The following GPR107 variants were observed in gnomAD, a reference collection of about 807,000 sequenced individuals.
GPR107 encodes G protein-coupled receptor 107.
A neutral mutation model predicts 75.5 loss-of-function variants in GPR107; 31 were observed. The observed-to-expected ratio is 0.41, with a 90% CI of 0.31 to 0.55. The LOEUF is 0.55. Among genes scored for constraint, GPR107 ranks in the 20% least tolerant of loss-of-function variants. The pLI is 0.26. For missense variants in GPR107, 572 were observed against 665.7 expected (o/e 0.86, Z 1.55); for synonymous variants, 267 against 251.3 (o/e 1.06, Z -0.59).
chr9:130,117,572 G>A (rs1333965694), intron 14 of GPR107, among the ~76,000 whole-genome samples: 1 of 152,192 alleles, frequency 6.6e-6, no homozygotes, highest in Non-Finnish European at 1.5e-5. Context: ...GAGCTCCTCT[G>A]TCCCCCATGC....
intron 14 of GPR107, among the ~76,000 whole-genome samples, chr9:130,109,080 A>G (rs748332488): frequency 3.5e-5 from 5 of 142,244 alleles, no homozygotes; most frequent in African/African-American, 5.3e-5. Flanking sequence ...GCTTACTGCA[A>G]CCTCCACCTC....
intron 14 of GPR107, among the ~76,000 whole-genome samples, chr9:130,115,639 C>T (rs1348268279): frequency 6.6e-6 from 1 of 151,582 alleles, no homozygotes; most frequent in Non-Finnish European, 1.5e-5. Flanking sequence ...GTGGTGGGTG[C>T]CTGTAGTGCC....
rs748942096 is a variant in GPR107 at position 130,075,657 on chromosome 9, C to G, written c.163C>G (p.His55Asp). 5 of 1,591,866 alleles carry G rather than the reference C, an allele frequency of 3.1e-6. No individual in the cohort carries two copies. The South Asian group carries it at 5.5e-5, about 18-fold the overall frequency. ...TTAGGATGATGTGAGGCATAAAGTT[C>G]ATCTGAACACCTTTGGCTTCTTCAA... Reference protein sequence around the residue: ...ALKDDVRHKVHLNTFGFFKDG... With the variant: ...ALKDDVRHKVDLNTFGFFKDG... Residue 55 changes from histidine to aspartate, a missense_variant, in exon 2 of 18, where the codon CAT becomes GAT. By Grantham distance (81) the His-to-Asp change is moderately conservative. Coordinates refer to ENST00000347136, the MANE Select transcript of GPR107 (RefSeq NM_020960.5).
intron 6 of GPR107, among the ~76,000 whole-genome samples, chr9:130,085,753 G>GTTTTTTTTTTTTTTTTTTTT (rs1189602398): frequency 4.0e-4 from 13 of 32,256 alleles, no homozygotes; most frequent in African/African-American, 5.1e-4. Flanking sequence ...GCAATATTTT[G>GTTTTTTTTTTTTTTTTTTTT]ATTTTTTTTT....
At chr9:130,091,778 C>T (rs1830745017) in intron 8 of GPR107, among the ~76,000 whole-genome samples, 1 of 151,768 alleles carries the variant, frequency 6.6e-6, no homozygotes, top group Non-Finnish European at 1.5e-5. Flanking sequence ...TCACTGCAAC[C>T]TCTGCCTCCT....
intron 9 of GPR107, among the ~76,000 whole-genome samples, chr9:130,096,758 T>A (rs1830883441): frequency 6.6e-6 from 1 of 152,104 alleles, no homozygotes; most frequent in Non-Finnish European, 1.5e-5. Context: ...GCGTCTGGCC[T>A]GATTTTTGGA....
chr9:130,101,676 A>G (rs865877170), intron 12 of GPR107, among the ~76,000 whole-genome samples: 1 of 152,174 alleles, frequency 6.6e-6, no homozygotes, highest in East Asian at 1.9e-4. Context: ...AATCCTTACC[A>G]TGTTTGGGGC....
intron 1 of GPR107, among the ~76,000 whole-genome samples, chr9:130,067,233 T>C (rs376494511): frequency 5.1e-4 from 77 of 152,330 alleles, no homozygotes; most frequent in African/African-American, 1.8e-3. Context: ...TTGAGCTTAT[T>C]TGGGGAAAAT....
intron 1 of GPR107, among the ~76,000 whole-genome samples, chr9:130,064,017 C>T (rs564801350): frequency 9.3e-5 from 14 of 151,078 alleles, no homozygotes; most frequent in Admixed American, 2.0e-4. Flanking sequence ...GCTGGCCAGA[C>T]GGGTCTCGAA....
chr9:130,102,539 T>A (rs1695826782), intron 12 of GPR107, among the ~76,000 whole-genome samples: 1 of 152,180 alleles, frequency 6.6e-6, no homozygotes, highest in South Asian at 2.1e-4. Context: ...GTCATGAGTA[T>A]TTAGACAATA....
intron 16 of GPR107, among the ~76,000 whole-genome samples, chr9:130,128,371 G>A (rs1334751149): frequency 3.3e-5 from 5 of 152,202 alleles, no homozygotes; most frequent in African/African-American, 1.2e-4. Flanking sequence ...GGGAGGAAGT[G>A]GGTATGTGGT....
intron 14 of GPR107, among the ~76,000 whole-genome samples, chr9:130,114,945 T>C (rs1171728357): frequency 6.6e-6 from 1 of 152,206 alleles, no homozygotes; most frequent in African/African-American, 2.4e-5. Flanking sequence ...TTAAGATGTC[T>C]GTTAGTCCAG....
intron 14 of GPR107, among the ~76,000 whole-genome samples, chr9:130,118,851 G>T (rs1488069255): frequency 1.3e-5 from 2 of 152,198 alleles, no homozygotes; most frequent in Non-Finnish European, 2.9e-5. Flanking sequence ...GTCGATGCCT[G>T]GAGACAGAGG....
At chr9:130,101,073 C>T in intron 11 of GPR107, 33 bp from the exon 12 acceptor site, 1 of 1,172,590 alleles carries the variant, frequency 8.5e-7, no homozygotes, top group Admixed American at 1.7e-5. Flanking sequence ...CTAAAGAGAC[C>T]TGCTGGTGTC....
At chr9:130,096,990 T>G (rs889562563) in intron 9 of GPR107, among the ~76,000 whole-genome samples, 4 of 152,102 alleles carry the variant, frequency 2.6e-5, no homozygotes, top group African/African-American at 9.7e-5. Flanking sequence ...CCTTTAGTGA[T>G]AGACACACGC....
At chr9:130,064,185 CT>C (rs1045833413) in intron 1 of GPR107, among the ~76,000 whole-genome samples, 57 of 82,576 alleles carry the variant, frequency 6.9e-4, no homozygotes, top group African/African-American at 2.6e-3. Flanking sequence ...AATAGCTTTT[CT>C]TTTTTTTTTT....
At chr9:130,054,117 A>AC (rs1357503815) in intron 1 of GPR107, 44 bp downstream of exon 1, 8 of 1,342,216 alleles carry the variant, frequency 6.0e-6, no homozygotes, top group Non-Finnish European at 6.7e-6. Context: ...GGCCGAGGCC[A>AC]CTCCCCGGGT....
chr9:130,097,142 T>TTTTCTTTTC (rs1458070825), intron 9 of GPR107, among the ~76,000 whole-genome samples: 3 of 64,536 alleles, frequency 4.6e-5, no homozygotes, highest in Non-Finnish European at 6.7e-5. Flanking sequence ...TTTTCTTTAC[T>TTTTCTTTTC]TTTCTTTTTT....
chr9:130,087,573 G>T (rs1189344302), intron 7 of GPR107, among the ~76,000 whole-genome samples: 1 of 152,002 alleles, frequency 6.6e-6, no homozygotes, highest in Non-Finnish European at 1.5e-5. Flanking sequence ...GGCTAAGGTG[G>T]GAGGATCACT....
Sources: allele counts gnomAD v4.1 joint callset (sites outside exome capture counted in the v4.1 genomes callset), GRCh38; gene constraint gnomAD v4.1.1; transcripts MANE v1.5; gene names NCBI Gene and HGNC (gene_info 2026-07-23, HGNC 2026-07-21).